Variants in MAGI2 observed in about 807,000 individuals in gnomAD.
MAGI2 encodes the protein membrane-associated guanylate kinase, WW and PDZ domain-containing protein 2.
A neutral mutation model predicts 133.3 loss-of-function variants in MAGI2; 35 were observed. The observed-to-expected ratio is 0.26, with a 90% confidence interval of 0.20 to 0.35. MAGI2 has a LOEUF of 0.35. MAGI2 is among the 10% of genes least tolerant of loss of function. The probability of loss-of-function intolerance (pLI) is 1.00; values close to 1 mark genes in which losing one functional copy is unlikely to be tolerated. For synonymous variants in MAGI2, 729 were observed against 710.6 expected, an observed-to-expected ratio of 1.03 and a Z score of -0.41; for missense variants, 1,636 against 1,863.4, an observed-to-expected ratio of 0.88 and a Z score of 2.25.
At chr7:78,266,035 A>G (rs976765380) in intron 9 of MAGI2, among the ~76,000 whole-genome samples, 1 of 152,190 alleles carries the variant, frequency 6.6e-6, no homozygotes, top group African/African-American at 2.4e-5. Flanking sequence ...AAGAAAAAGG[A>G]ATAACAAGGA....
intron 1 of MAGI2, among the ~76,000 whole-genome samples, chr7:79,050,900 TA>T (rs11290077): frequency 0.51 from 76,766 of 151,964 alleles, 22,833 homozygotes; most frequent in African/African-American, 0.84. Flanking sequence ...CACTCACATC[TA>T]AAGACTTGTT....
chr7:78,784,861 G>A (rs377623300), intron 2 of MAGI2, among the ~76,000 whole-genome samples: 40 of 152,308 alleles, frequency 2.6e-4, no homozygotes, highest in African/African-American at 8.7e-4. Flanking sequence ...TTACAGGAGT[G>A]TTGGCTGTGA....
rs945145539 is a variant in MAGI2, at chr7:79,391,795, T to C, written c.301+61225A>G. ...CGCCTCCTGGTTCACACCATTCTCC[T>C]GCCTCAGCCTCCCCAGCAGCTGGGA... is the stretch of plus-strand genomic sequence containing the variant. On this transcript the variant is annotated intron_variant, in intron 1 of 21. Transcript: ENST00000354212. 4.6e-5 allele frequency among the ~76,000 whole-genome samples: 7 copies of C among 151,944 alleles called. No individual in the cohort carries two copies. The South Asian group carries it at 1.2e-3, about 27-fold the overall frequency.
At chr7:78,611,328 G>A (rs183091507) in intron 3 of MAGI2, among the ~76,000 whole-genome samples, 62 of 152,228 alleles carry the variant, frequency 4.1e-4, no homozygotes, top group Admixed American at 3.7e-3. Context: ...AGATCATTCA[G>A]AACAAATCAC....
intron 6 of MAGI2, among the ~76,000 whole-genome samples, 161 bp downstream of exon 6, chr7:78,489,600 T>C (rs1015785588): frequency 1.3e-5 from 2 of 152,098 alleles, no homozygotes; most frequent in Admixed American, 1.3e-4. Flanking sequence ...ATGGCCCTGC[T>C]GAAATGCCGA....
At chr7:78,056,106 G>T (rs945537084) in intron 21 of MAGI2, among the ~76,000 whole-genome samples, 2 of 151,988 alleles carry the variant, frequency 1.3e-5, no homozygotes, top group African/African-American at 4.8e-5. Flanking sequence ...TGGCAACCAC[G>T]TTCTATGTCC....
intron 1 of MAGI2, among the ~76,000 whole-genome samples, chr7:79,434,574 T>C (rs1311500824): frequency 2.6e-5 from 4 of 152,182 alleles, no homozygotes; most frequent in African/African-American, 9.7e-5. Flanking sequence ...AGTGATCACA[T>C]TGTCAAAAAT....
Position 78,161,667 on chromosome 7 carries a change from T to TAAAAAAAAAAAAAAAAAAAAA in MAGI2, c.2597-1395_2597-1394insTTTTTTTTTTTTTTTTTTTTT, listed in dbSNP as rs71515391. Among the ~76,000 whole-genome samples the TAAAAAAAAAAAAAAAAAAAAA allele has an allele frequency of 3.1e-3, 215 of 68,892 alleles. 9 individuals are homozygous for TAAAAAAAAAAAAAAAAAAAAA. The highest frequency in any genetic ancestry group is 4.4e-3 in the Non-Finnish European group (165 of 37,750). 45.2% of individuals were successfully genotyped at this position (68,892 alleles called of 152,430 possible). On this transcript the variant is annotated intron_variant, in intron 15 of 21. Coordinates refer to ENST00000354212, the MANE Select transcript of MAGI2 (RefSeq NM_012301.4). ...AGAGACGTTTTGTTACATCGATACC[T>TAAAAAAAAAAAAAAAAAAAAA]AAAAAAAAAAAAAAAAAAAAGAAAA...
chr7:78,662,445 T>C (rs936347173), intron 2 of MAGI2, among the ~76,000 whole-genome samples: 1 of 152,210 alleles, frequency 6.6e-6, no homozygotes, highest in African/African-American at 2.4e-5. Flanking sequence ...ATATAAATTC[T>C]ATCTTAGCAA....
intron 1 of MAGI2, among the ~76,000 whole-genome samples, chr7:79,036,931 G>A (rs1811181803): frequency 6.6e-6 from 1 of 152,024 alleles, no homozygotes; most frequent in Admixed American, 6.6e-5. Context: ...AATCTTTTAT[G>A]TCTTGCTCAC....
chr7:78,226,640 C>T (rs1789418542), intron 10 of MAGI2, among the ~76,000 whole-genome samples: 1 of 152,206 alleles, frequency 6.6e-6, no homozygotes, highest in African/African-American at 2.4e-5. Context: ...CGTGTAATAT[C>T]ACGGTCTGCC....
At chr7:78,639,613 A>G (rs981797178) in intron 2 of MAGI2, among the ~76,000 whole-genome samples, 7 of 152,186 alleles carry the variant, frequency 4.6e-5, no homozygotes, top group Admixed American at 2.0e-4. Flanking sequence ...AAAATTCACA[A>G]CTCAGCTTCC....
chr7:79,323,817 G>C (rs1466058176), intron 1 of MAGI2, among the ~76,000 whole-genome samples: 4 of 152,158 alleles, frequency 2.6e-5, no homozygotes, highest in Admixed American at 1.3e-4. Context: ...TGGGAGCCTT[G>C]TTTTCTAATG....
rs539050947 is a variant in MAGI2, at chr7:78,846,705, G to A, written c.418+160385C>T. ...GAACTGACGATAACTCTGCAAAAAC[G>A]AATCAGTTATTTAGATATAATTTAC... is the stretch of plus-strand genomic sequence containing the variant. On this transcript the variant is annotated intron_variant, in intron 2 of 21. Coordinates refer to ENST00000354212, the MANE Select transcript of MAGI2 (RefSeq NM_012301.4). 3.9e-5 allele frequency among the ~76,000 whole-genome samples: 6 copies of A among 151,928 alleles called. No homozygotes were observed. In the South Asian group the frequency reaches 6.2e-4, roughly 16 times the overall value.
At chr7:79,167,812 A>C (rs1170859063) in intron 1 of MAGI2, among the ~76,000 whole-genome samples, 1 of 152,128 alleles carries the variant, frequency 6.6e-6, no homozygotes, top group African/African-American at 2.4e-5. Flanking sequence ...AACTGGCCCC[A>C]AAACTGGCCA....
chr7:78,422,282 AGAT>A (rs1470137454), intron 6 of MAGI2, among the ~76,000 whole-genome samples: 2 of 152,192 alleles, frequency 1.3e-5, no homozygotes, highest in African/African-American at 4.8e-5. Context: ...ATTGTAAAGT[AGAT>A]GATATTATAA....
At chr7:78,483,958 T>C (rs1472547379) in intron 6 of MAGI2, among the ~76,000 whole-genome samples, 1 of 151,948 alleles carries the variant, frequency 6.6e-6, no homozygotes, top group Non-Finnish European at 1.5e-5. Flanking sequence ...AACATAATCT[T>C]AGCAGGTTTA....
At chr7:79,406,993 C>T (rs1289639032) in intron 1 of MAGI2, among the ~76,000 whole-genome samples, 1 of 152,036 alleles carries the variant, frequency 6.6e-6, no homozygotes, top group Non-Finnish European at 1.5e-5. Flanking sequence ...TCCAAGTACC[C>T]CTCCCCTATG....
intron 1 of MAGI2, among the ~76,000 whole-genome samples, chr7:79,149,644 G>A (rs1822999683): frequency 6.6e-6 from 1 of 152,048 alleles, no homozygotes; most frequent in Admixed American, 6.6e-5. Flanking sequence ...TCAGTTTAGT[G>A]CTATCTTTCT....
Sources: allele counts gnomAD v4.1 joint callset (sites outside exome capture counted in the v4.1 genomes callset), GRCh38; gene constraint gnomAD v4.1.1; transcripts MANE v1.5; gene names NCBI Gene and HGNC (gene_info 2026-07-23, HGNC 2026-07-21).